The following CELF4 variants were observed in gnomAD, a reference collection of about 807,000 sequenced individuals.
The protein encoded by CELF4 is CUG-BP- and ETR-3-like factor 4.
In CELF4, 18 loss-of-function variants were observed where a neutral mutation model predicts 59.9. That is an observed-to-expected ratio of 0.30 (90% confidence interval 0.21 to 0.45). CELF4 has a LOEUF of 0.45. Among genes scored for constraint, CELF4 ranks in the 20% least tolerant of loss-of-function variants. CELF4 has a pLI of 1.00. For missense variants in CELF4, 456 were observed against 689.0 expected (o/e 0.66, Z 3.79); for synonymous variants, 261 against 267.1 (o/e 0.98, Z 0.22).
intron 2 of CELF4, among the ~76,000 whole-genome samples, chr18:37,347,281 C>T (rs1188861367): frequency 6.6e-6 from 1 of 152,082 alleles, no homozygotes; most frequent in Non-Finnish European, 1.5e-5. Flanking sequence ...CCACGCCACG[C>T]CCAAGTTGGT....
At chr18:37,532,112 T>A (rs2099970050) in intron 1 of CELF4, among the ~76,000 whole-genome samples, 1 of 152,180 alleles carries the variant, frequency 6.6e-6, no homozygotes, top group African/African-American at 2.4e-5. Context: ...CTGCACTGTT[T>A]CCCTAGCACC....
In CELF4 at chr18:37,356,362, G is replaced by C. The variant is rs1425326920; in HGVS notation, c.370-34481C>G. Among the ~76,000 whole-genome samples, 8 of 152,288 alleles carry C rather than the reference G, an allele frequency of 5.3e-5. No individual in the cohort carries two copies. In the South Asian group the frequency reaches 1.7e-3, roughly 32 times the overall value. On this transcript the variant is annotated intron_variant, in intron 2 of 12. Coordinates refer to ENST00000420428, the MANE Select transcript of CELF4 (RefSeq NM_020180.4). The stretch of plus-strand genomic sequence containing the variant: ...TTGAAGGGAGAGTGACAAAAGGGTG[G>C]GGGGCAGAAAAGAAAGAGAGAACGG...
chr18:37,348,612 T>A (rs901826913), intron 2 of CELF4, among the ~76,000 whole-genome samples: 9 of 151,704 alleles, frequency 5.9e-5, no homozygotes, highest in African/African-American at 2.2e-4. Context: ...TGAGGTGGGG[T>A]GGGACGGTGG....
intron 3 of CELF4, among the ~76,000 whole-genome samples, chr18:37,287,299 C>T (rs1485254752): frequency 6.6e-6 from 1 of 152,244 alleles, no homozygotes; most frequent in Non-Finnish European, 1.5e-5. Flanking sequence ...CGTCCCTGGC[C>T]CTCCACCTGC....
chr18:37,564,253 C>T (rs1357049233), intron 1 of CELF4, among the ~76,000 whole-genome samples: 1 of 152,144 alleles, frequency 6.6e-6, no homozygotes, highest in Non-Finnish European at 1.5e-5. Flanking sequence ...GATCCAGCAC[C>T]GATTCATTCC....
At chr18:37,265,116 T>C (rs9951635) in intron 9 of CELF4, among the ~76,000 whole-genome samples, 1,690 of 151,222 alleles carry the variant, frequency 0.011, 41 homozygotes, top group African/African-American at 0.039. Context: ...TGTGTGGGTG[T>C]GTGTGTACAT....
chr18:37,405,588 G>A (rs942711024), intron 2 of CELF4, among the ~76,000 whole-genome samples: 7 of 152,206 alleles, frequency 4.6e-5, no homozygotes, highest in Admixed American at 3.9e-4. Context: ...CAAAATGCAG[G>A]GGAAGCCTTC....
intron 2 of CELF4, among the ~76,000 whole-genome samples, chr18:37,439,356 A>G (rs892942435): frequency 1.3e-5 from 2 of 152,124 alleles, no homozygotes; most frequent in African/African-American, 4.8e-5. Context: ...AGTACAACCA[A>G]ATTAGGTCAA....
chr18:37,556,297 C>A lies in CELF4; in HGVS notation c.286+9059G>T, dbSNP rs370652333. ...GACTTTGGGCATACGCTACTCTGAG[C>A]CTCAGTCTCTTTATCTATGCAGTGG... On this transcript the variant is annotated intron_variant, in intron 1 of 12. Transcript: ENST00000420428. Among the ~76,000 whole-genome samples, 17 of 152,292 alleles carry A rather than the reference C, an allele frequency of 1.1e-4. 1 individual carries two copies. Among genetic ancestry groups the A allele is most frequent in the African/African-American group, 4.1e-4 (17 of 41,566 alleles).
At chr18:37,285,540 G>T (rs892959106) in intron 3 of CELF4, among the ~76,000 whole-genome samples, 20 of 152,324 alleles carry the variant, frequency 1.3e-4, no homozygotes, top group Admixed American at 3.3e-4. Flanking sequence ...CCTCTGGGGG[G>T]CCAGGAATGG....
intron 3 of CELF4, chr18:37,305,348 A>C (rs1369369111): frequency 6.6e-6 from 1 of 152,132 alleles, no homozygotes; most frequent in Non-Finnish European, 1.5e-5. Context: ...TCCACATTCC[A>C]CAACACGGTG....
At chr18:37,403,769 T>C (rs2099355360) in intron 2 of CELF4, among the ~76,000 whole-genome samples, 1 of 152,176 alleles carries the variant, frequency 6.6e-6, no homozygotes, top group Admixed American at 6.5e-5. Flanking sequence ...CATGAAATGA[T>C]GTGTGCAGGC....
At chr18:37,516,580 G>T (rs975416419) in intron 1 of CELF4, among the ~76,000 whole-genome samples, 1 of 152,222 alleles carries the variant, frequency 6.6e-6, no homozygotes, top group Admixed American at 6.5e-5. Context: ...ATTAACTACT[G>T]TGGACCAGGC....
At chr18:37,268,236 C>G (rs966402010) in intron 8 of CELF4, among the ~76,000 whole-genome samples, 1 of 152,162 alleles carries the variant, frequency 6.6e-6, no homozygotes, top group Admixed American at 6.5e-5. Context: ...CTGCCTGGGG[C>G]TGTCCCAGTC....
intron 3 of CELF4, among the ~76,000 whole-genome samples, chr18:37,282,589 C>T (rs1395911902): frequency 1.3e-5 from 2 of 152,204 alleles, no homozygotes; most frequent in East Asian, 3.9e-4. Context: ...CCCCAGGGGG[C>T]AGCATACAGC....
intron 2 of CELF4, chr18:37,474,093 G>A (rs2099841997): frequency 6.6e-6 from 1 of 152,176 alleles, no homozygotes; most frequent in South Asian, 2.1e-4. Flanking sequence ...TGTTGCTGTT[G>A]CATGGTTATG....
At chr18:37,511,862 C>T (rs1288992070) in intron 1 of CELF4, among the ~76,000 whole-genome samples, 1 of 152,044 alleles carries the variant, frequency 6.6e-6, no homozygotes, top group African/African-American at 2.4e-5. Context: ...ATGCTTACCC[C>T]AAGCAGGGGC....
chr18:37,258,943 C>T, intron 11 of CELF4: 1 of 571,494 alleles, frequency 1.7e-6, no homozygotes, highest in Non-Finnish European at 3.1e-6. Flanking sequence ...GTAGGGAAAG[C>T]CAAGAAGCAA....
Position 37,371,652 on chromosome 18 carries a change from T to C in CELF4, c.370-49771A>G, listed in dbSNP as rs78163715. 5.4e-3 allele frequency among the ~76,000 whole-genome samples: 819 copies of C among 152,282 alleles called. 9 individuals carry two copies. The highest frequency in any genetic ancestry group is 0.019 in the African/African-American group (783 of 41,560). On this transcript the variant is annotated intron_variant, in intron 2 of 12. Coordinates refer to ENST00000420428, the MANE Select transcript of CELF4 (RefSeq NM_020180.4). ...TGTTGAGAAAGGGAGAGAAGAGGCA[T>C]GGTCTTGCCACCAGGAGCTGGGAGG...
Sources: allele counts gnomAD v4.1 joint callset (sites outside exome capture counted in the v4.1 genomes callset), GRCh38; gene constraint gnomAD v4.1.1; transcripts MANE v1.5; gene names NCBI Gene and HGNC (gene_info 2026-07-23, HGNC 2026-07-21).